Variants in GSG1 observed in about 807,000 individuals in gnomAD.
GSG1 encodes germ cell associated 1.
Under a neutral mutation model 30.8 loss-of-function variants are expected in GSG1, and 28 were observed. The ratio of observed to expected loss-of-function variants is 0.91; its 90% CI spans 0.67 to 1.25. The LOEUF (loss-of-function observed/expected upper bound fraction) is 1.25. Ranked by LOEUF, GSG1 falls within the 50% of genes most tolerant of loss-of-function variation. GSG1 has a pLI of 0.00. For missense variants in GSG1, 435 were observed against 444.7 expected (o/e 0.98, Z 0.20); for synonymous variants, 162 against 178.0 (o/e 0.91, Z 0.71).
chr12:13,092,258 C>A (rs1407621376), intron 1 of GSG1, among the ~76,000 whole-genome samples: 4 of 152,088 alleles, frequency 2.6e-5, no homozygotes, highest in African/African-American at 9.7e-5. Context: ...TGTGTGTGTA[C>A]CTTTATGGTG....
At chr12:13,100,517 T>C (rs1863120945) in intron 1 of GSG1, among the ~76,000 whole-genome samples, 1 of 152,190 alleles carries the variant, frequency 6.6e-6, no homozygotes, top group Non-Finnish European at 1.5e-5. Flanking sequence ...GACAGATTGC[T>C]CAAAAACCAG....
chr12:13,098,216 A>G (rs1387484705), intron 1 of GSG1, among the ~76,000 whole-genome samples: 1 of 150,376 alleles, frequency 6.6e-6, no homozygotes. Flanking sequence ...GGGTGGCGCT[A>G]TCTCCTCGTC....
rs773258832 is a variant in GSG1, at chr12:13,090,579, A to G, written c.288T>C (p.Thr96=). ...TCCGGAAGGAGAACCGGTCATCCCC[A>G]GTCTCCCAGTTGTATTGTACCACCT... is the stretch of plus-strand genomic sequence containing the variant. ...TQEVVQYNWE[T]GDDRFSFRSF... is the part of the protein sequence containing the mutation. Residue 96 remains threonine, a synonymous_variant, in exon 2 of 7, where the codon ACT becomes ACC. Transcript: ENST00000651961. The G allele has an allele frequency of 4.2e-5, 67 of 1,614,212 alleles. No homozygotes were observed. The highest frequency in any genetic ancestry group is 3.4e-4 in the South Asian group (31 of 91,088).
chr12:13,088,778 T>C, intron 4 of GSG1, 84 bp downstream of exon 4: 1 of 1,613,988 alleles, frequency 6.2e-7, no homozygotes, highest in South Asian at 1.1e-5. Context: ...AGGGAAGCCT[T>C]CTCCATCAAC....
rs369212516 is a variant in GSG1, at chr12:13,085,065, C to G, written c.925G>C (p.Val309Leu). 12 of 1,607,280 alleles carry G rather than the reference C, an allele frequency of 7.5e-6. No individual in the cohort carries two copies. Among genetic ancestry groups the G allele is most frequent in the Non-Finnish European group, 8.5e-6 (10 of 1,176,582 alleles). ...TGGTGGTAGCTGGTCAAAGGACCCACGGTGGGGGCTGCACTTGACAGCCGC... is the reference window on the plus strand; with the variant it reads ...TGGTGGTAGCTGGTCAAAGGACCCAGGGTGGGGGCTGCACTTGACAGCCGC... ...PRRLSSAAPT[V>L]GPLTSYHQYH... Residue 309 changes from valine (V) to leucine (L), a missense_variant, in exon 7 of 7, where the codon GTG becomes CTG. Val to Leu is a conservative substitution (Grantham distance 32, BLOSUM62 1). Coordinates refer to ENST00000651961, the MANE Select transcript of GSG1 (RefSeq NM_001080555.4).
rs768471062 is a variant in GSG1, at chr12:13,103,479, A to G, written c.34T>C (p.Cys12Arg). 3.1e-6 allele frequency: 5 copies of G among 1,613,788 alleles called. No individual in the cohort carries two copies. The African/African-American group carries it at 6.7e-5, about 22-fold the overall frequency. Reference sequence around the variant, plus strand: ...ACTGTACCTACCTCCTGGGTGAGGCAAACATTTTGAGTCAGTTGAGAGGGA... The same window carrying G: ...ACTGTACCTACCTCCTGGGTGAGGCGAACATTTTGAGTCAGTTGAGAGGGA... ...SDPSQLTQNV[C>R]LTQEMELSKA... The change falls in exon 1 of 7, where the codon TGC becomes CGC. Residue 12 changes from cysteine to arginine, a missense_variant. Transcript: ENST00000651961.
At position 13,090,736 on chromosome 12, in the gene GSG1, G is replaced by A. The variant is rs1161679713; in HGVS notation, c.131C>T (p.Thr44Ile). ...AAACCAGTAGTTGCTGAGCAGGGAT[G>A]TTGTGGAGAAGCTGAGTGATAGCAT... ...LSMLSLSFST[T>I]SLLSNYWFVG... Residue 44 changes from threonine (T) to isoleucine (I), a missense_variant, in exon 2 of 7, where the codon ACA (threonine) becomes ATA (isoleucine). Physicochemically the swap from Thr to Ile is moderately conservative, Grantham distance 89. Coordinates refer to ENST00000651961, the MANE Select transcript of GSG1 (RefSeq NM_001080555.4). 2 of 1,614,256 alleles carry A rather than the reference G, an allele frequency of 1.2e-6. No individual in the cohort carries two copies. Among genetic ancestry groups the A allele is most frequent in the Non-Finnish European group, 1.7e-6 (2 of 1,180,044 alleles).
Position 13,084,893 on chromosome 12 carries a change from C to A in GSG1, c.*8G>T. 1 of 1,533,920 alleles carries A rather than the reference C, an allele frequency of 6.5e-7. No individual in the cohort carries two copies. Among genetic ancestry groups the A allele is most frequent in the Middle Eastern group, 1.7e-4 (1 of 5,922 alleles). On this transcript the variant is annotated 3_prime_UTR_variant, in exon 7 of 7. Coordinates refer to ENST00000651961, the MANE Select transcript of GSG1 (RefSeq NM_001080555.4). ...GGCTCAAGCCTACTCCCCAAACCCG[C>A]TTAACTCCTAACACTGCTCTTCCTC...
At chr12:13,089,947 G>T (rs926463228) in intron 2 of GSG1, among the ~76,000 whole-genome samples, 2 of 152,288 alleles carry the variant, frequency 1.3e-5, no homozygotes, top group Non-Finnish European at 1.5e-5. Context: ...TACTTGGGAG[G>T]CTGAGGCAAT....
At chr12:13,085,377 G>A (rs1865423269) in intron 6 of GSG1, 134 bp from the exon 7 acceptor site, 1 of 754,462 alleles carries the variant, frequency 1.3e-6, no homozygotes, top group Non-Finnish European at 2.1e-6. Flanking sequence ...CATGTTTCAG[G>A]TAAAGAACTG....
rs1866395640 is a variant in GSG1, at chr12:13,093,787, C to T, written c.49-2969G>A. Among the ~76,000 whole-genome samples, 1 of 152,144 alleles carries T rather than the reference C, an allele frequency of 6.6e-6. No homozygotes were observed. Among genetic ancestry groups the T allele is most frequent in the South Asian group, 2.1e-4 (1 of 4,826 alleles). ...GGGAGGCTGCCGAAAGAACTGAGGCCCCAGATGGCTCTGGCAGGAGCCCCT... is the reference window on the plus strand; with the variant it reads ...GGGAGGCTGCCGAAAGAACTGAGGCTCCAGATGGCTCTGGCAGGAGCCCCT... On this transcript the variant is annotated intron_variant, in intron 1 of 6. Transcript: ENST00000651961. The surrounding 1 kb of genome is among the most constrained non-coding windows in gnomAD (Gnocchi z 4.6).
chr12:13,084,808 T>C lies in GSG1; in HGVS notation c.*93A>G. The C allele has an allele frequency of 3.6e-6, 3 of 826,760 alleles. No homozygotes were observed. The highest frequency in any genetic ancestry group is 5.7e-6 in the Non-Finnish European group (3 of 527,930). The allele number at this position is 826,760 out of a possible 1,614,324, so 51.2% of individuals were successfully genotyped here. The stretch of plus-strand genomic sequence containing the variant: ...CCTTATTCGTAGCCTCTAAAAACCA[T>C]GCTCAAGAGACGGATGTTGGCTTAA... On this transcript the variant is annotated 3_prime_UTR_variant, in exon 7 of 7. Transcript: ENST00000651961.
chr12:13,099,728 A>G (rs889147489), intron 1 of GSG1, among the ~76,000 whole-genome samples: 1 of 150,510 alleles, frequency 6.6e-6, no homozygotes, highest in South Asian at 2.1e-4. Context: ...GCCTGGGGCT[A>G]AGGGATCCGG....
intron 2 of GSG1, among the ~76,000 whole-genome samples, chr12:13,090,082 G>C (rs541612420): frequency 6.6e-6 from 1 of 152,144 alleles, no homozygotes; most frequent in African/African-American, 2.4e-5. Context: ...ACTTGTATGA[G>C]GTCACAGTTG....
chr12:13,089,056 T>G, intron 3 of GSG1, 147 bp from the exon 4 acceptor site: 1 of 1,268,612 alleles, frequency 7.9e-7, no homozygotes, highest in Non-Finnish European at 1.1e-6. Context: ...AATGCCTGGG[T>G]GAATGAATGG....
intron 1 of GSG1, among the ~76,000 whole-genome samples, chr12:13,099,740 G>GTTTT (rs1243237814): frequency 5.8e-4 from 56 of 95,794 alleles, no homozygotes; most frequent in Non-Finnish European, 8.4e-4. Context: ...GGGATCCGGT[G>GTTTT]TTTTTTTTTG....
chr12:13,102,090 C>T (rs1463251823), intron 1 of GSG1, among the ~76,000 whole-genome samples: 1 of 152,192 alleles, frequency 6.6e-6, no homozygotes, highest in Non-Finnish European at 1.5e-5. Context: ...TCCTCACAAC[C>T]AGCCTGAAAG....
Position 13,090,668 on chromosome 12 carries a change from GACCTTTCTCGCACAGGGGCTTGGGC to G in GSG1, c.174_198del (p.Pro59TrpfsTer119), listed in dbSNP as rs766342260. 2 of 1,614,256 alleles carry G rather than the reference GACCTTTCTCGCACAGGGGCTTGGGC, an allele frequency of 1.2e-6. No homozygotes were observed. The highest frequency in any genetic ancestry group is 3.3e-5 in the Admixed American group (2 of 60,032). On this transcript the variant is annotated frameshift_variant, in exon 2 of 7. Coordinates refer to ENST00000651961, the MANE Select transcript of GSG1 (RefSeq NM_001080555.4). LOFTEE classifies it high-confidence loss of function. ...GGCATGTCAAAGCACTTGGCTGCCA[GACCTTTCTCGCACAGGGGCTTGGGC>G]ACCTTCTGTGTGCCCACAAACCAGT...
chr12:13,085,051 G>C lies in GSG1; in HGVS notation c.939C>G (p.Thr313=), dbSNP rs1260460844. ...SSAAPTVGPL[T]SYHQYHNQPI... ...GCTGATTATGATACTGGTGGTAGCT[G>C]GTCAAAGGACCCACGGTGGGGGCTG... Residue 313 remains threonine, a synonymous_variant, in exon 7 of 7, where the codon ACC becomes ACG. Transcript: ENST00000651961. The C allele has an allele frequency of 1.3e-6, 2 of 1,596,840 alleles. No individual in the cohort carries two copies. Among genetic ancestry groups the C allele is most frequent in the Non-Finnish European group, 1.7e-6 (2 of 1,171,184 alleles).
Sources: allele counts gnomAD v4.1 joint callset (sites outside exome capture counted in the v4.1 genomes callset), GRCh38; gene constraint gnomAD v4.1.1; non-coding constraint Gnocchi (gnomAD v3.1); transcripts MANE v1.5; gene names NCBI Gene and HGNC (gene_info 2026-07-23, HGNC 2026-07-21).